MTR: variants seen among roughly 807,000 people sequenced by gnomAD.
MTR encodes 5-methyltetrahydrofolate-homocysteine methyltransferase.
MTR carries 84 observed loss-of-function variants against 154.8 expected under a neutral mutation model. The ratio of observed to expected loss-of-function variants is 0.54; its 90% CI spans 0.45 to 0.65. The LOEUF (loss-of-function observed/expected upper bound fraction) is 0.65, where lower values mean the gene tolerates loss of function less well. Among genes scored for constraint, MTR ranks in the 30% least tolerant of loss-of-function variants. The pLI, the probability that MTR is intolerant of heterozygous loss-of-function variation, is 0.00. For synonymous variants in MTR, 554 were observed against 553.9 expected (o/e 1.00, Z 0.00); for missense variants, 1,275 against 1,570.2 (o/e 0.81, Z 3.18).
chr1:236,880,389 G>T (rs1419980988), intron 24 of MTR, among the ~76,000 whole-genome samples: 1 of 152,114 alleles, frequency 6.6e-6, no homozygotes, highest in Non-Finnish European at 1.5e-5. Context: ...AGCTCATTTG[G>T]AGGAGGGAAC....
intron 12 of MTR, among the ~76,000 whole-genome samples, chr1:236,830,650 C>T (rs955674672): frequency 2.0e-5 from 3 of 152,078 alleles, no homozygotes; most frequent in South Asian, 2.1e-4. Flanking sequence ...ATGCTTTTGG[C>T]GGAGGAGTCA....
At chr1:236,896,721 C>A (rs938573197) in intron 31 of MTR, among the ~76,000 whole-genome samples, 9 of 152,158 alleles carry the variant, frequency 5.9e-5, no homozygotes, top group African/African-American at 2.2e-4. Context: ...AATTAGGGCA[C>A]CTGTAACTGA....
At chr1:236,896,606 C>T (rs1487231433) in intron 31 of MTR, among the ~76,000 whole-genome samples, 3 of 152,196 alleles carry the variant, frequency 2.0e-5, no homozygotes, top group Non-Finnish European at 4.4e-5. Flanking sequence ...AGCTCTCAGT[C>T]GTCCCTAGTA....
At chr1:236,852,486 A>G in intron 16 of MTR, 35 bp from the exon 17 acceptor site, 2 of 1,519,738 alleles carry the variant, frequency 1.3e-6, no homozygotes, top group Non-Finnish European at 1.8e-6. Context: ...TTGGCAAAAA[A>G]GGGGAATCTT....
At chr1:236,883,805 A>G (rs779906204) in intron 25 of MTR, among the ~76,000 whole-genome samples, 5 of 152,206 alleles carry the variant, frequency 3.3e-5, no homozygotes, top group Non-Finnish European at 1.5e-5. Context: ...GAAAACCCAC[A>G]TAGAGTTATA....
intron 32 of MTR, among the ~76,000 whole-genome samples, 192 bp downstream of exon 32, chr1:236,897,310 G>GCGCGCACACACACACACACACACA: frequency 2.3e-5 from 3 of 128,682 alleles, no homozygotes; most frequent in Non-Finnish European, 5.2e-5. Flanking sequence ...CCACACACAC[G>GCGCGCACACACACACACACACACA]CACACACACA....
chr1:236,807,046 A>C (rs1006052358), intron 3 of MTR, among the ~76,000 whole-genome samples: 1 of 152,224 alleles, frequency 6.6e-6, no homozygotes, highest in Non-Finnish European at 1.5e-5. Flanking sequence ...TGCTATATAC[A>C]TGTATATATA....
intron 24 of MTR, among the ~76,000 whole-genome samples, chr1:236,875,099 T>C (rs1219394713): frequency 1.3e-5 from 2 of 152,234 alleles, no homozygotes; most frequent in Non-Finnish European, 2.9e-5. Flanking sequence ...AATAATCTTT[T>C]TCTTAACACT....
chr1:236,839,050 G>A (rs1045526042), intron 15 of MTR, among the ~76,000 whole-genome samples: 1 of 152,148 alleles, frequency 6.6e-6, no homozygotes, highest in Non-Finnish European at 1.5e-5. Context: ...ATAACCTTAC[G>A]GAACCATTGT....
At chr1:236,796,387 A>G (rs185713778) in intron 1 of MTR, among the ~76,000 whole-genome samples, 34 of 152,348 alleles carry the variant, frequency 2.2e-4, no homozygotes, top group Admixed American at 1.3e-3. Context: ...ACGTAATGTT[A>G]GCTTTATAAC....
chr1:236,852,661 C>T (rs551968907), intron 17 of MTR, 24 bp downstream of exon 17: 48 of 1,598,314 alleles, frequency 3.0e-5, no homozygotes, highest in Admixed American at 2.5e-4. Flanking sequence ...ACTCTTAGCC[C>T]TGCGGAAACC....
chr1:236,804,119 TC>T (rs1660842812), intron 2 of MTR, among the ~76,000 whole-genome samples: 1 of 152,228 alleles, frequency 6.6e-6, no homozygotes. Context: ...GTGAGGGCCC[TC>T]TTGTTTATAG....
At position 236,898,951 on chromosome 1, in the gene MTR, A is replaced by G. The variant is rs1159172278; in HGVS notation, c.*1307A>G. The G allele has an allele frequency of 2.0e-5, 3 of 152,186 alleles. No homozygotes were observed. The highest frequency in any genetic ancestry group is 4.4e-5 in the Non-Finnish European group (3 of 68,048). The allele number at this position is 152,186 out of a possible 1,614,324, so 9.4% of individuals were successfully genotyped here. ...CAGTTATTTCAAAAATTTGCATGCA[A>G]AATATACACTCATCCTACTTCAAGA... On this transcript the variant is annotated 3_prime_UTR_variant, in exon 33 of 33. Transcript: ENST00000366577.
intron 26 of MTR, among the ~76,000 whole-genome samples, chr1:236,885,558 C>T (rs1348493671): frequency 6.6e-6 from 1 of 152,170 alleles, no homozygotes; most frequent in Non-Finnish European, 1.5e-5. Context: ...ACTGAAATGA[C>T]TCCCACAGAC....
intron 4 of MTR, 61 bp downstream of exon 4, chr1:236,808,834 G>A (rs367974590): frequency 3.3e-6 from 5 of 1,492,552 alleles, no homozygotes; most frequent in Admixed American, 3.4e-5. Context: ...CAGCTATAAT[G>A]TGCTGTCCTT....
At chr1:236,878,518 A>G (rs979556172) in intron 24 of MTR, among the ~76,000 whole-genome samples, 2 of 152,218 alleles carry the variant, frequency 1.3e-5, no homozygotes, top group African/African-American at 4.8e-5. Context: ...TGTCTAGTGC[A>G]GGAGTGTCCA....
intron 4 of MTR, among the ~76,000 whole-genome samples, chr1:236,809,262 C>G (rs905500816): frequency 6.6e-6 from 1 of 152,164 alleles, no homozygotes; most frequent in African/African-American, 2.4e-5. Flanking sequence ...CTTGAAGGCT[C>G]TGTGAAGCAC....
intron 24 of MTR, among the ~76,000 whole-genome samples, chr1:236,876,796 T>G (rs944083106): frequency 6.6e-6 from 1 of 152,214 alleles, no homozygotes; most frequent in African/African-American, 2.4e-5. Context: ...TCTTAGCAGT[T>G]GCAACCTGAT....
chr1:236,829,419 G>T, intron 12 of MTR, 151 bp downstream of exon 12: 1 of 757,302 alleles, frequency 1.3e-6, no homozygotes. Context: ...TTCTAGTGAA[G>T]AACCCTTTGT....
Sources: gnomAD v4.1 joint callset for allele counts (sites outside exome capture counted in the v4.1 genomes callset) on GRCh38, gnomAD v4.1.1 for gene constraint, MANE v1.5 for transcripts, NCBI Gene and HGNC (gene_info 2026-07-23, HGNC 2026-07-21) for gene names.